The following AGTPBP1 variants were observed in gnomAD, a reference collection of about 807,000 sequenced individuals.
AGTPBP1 encodes the protein cytosolic carboxypeptidase 1.
In AGTPBP1, 70 loss-of-function variants were observed where a neutral mutation model predicts 143.9. That is an observed-to-expected ratio of 0.49 (90% CI 0.40 to 0.59). AGTPBP1 has a LOEUF of 0.59. Ranked by LOEUF, AGTPBP1 falls within the 20% of genes least tolerant of loss-of-function variation. The pLI is 0.00. For synonymous variants in AGTPBP1, 463 were observed against 500.2 expected (o/e 0.93, Z 0.99); for missense variants, 1,229 against 1,464.5 (o/e 0.84, Z 2.62).
intron 14 of AGTPBP1, among the ~76,000 whole-genome samples, chr9:85,627,732 A>G (rs1831393298): frequency 6.6e-6 from 1 of 152,216 alleles, no homozygotes; most frequent in African/African-American, 2.4e-5. Flanking sequence ...AGTTGACAAG[A>G]ATGAAGACCT....
At chr9:85,549,522 G>C (rs1039042080) in intron 25 of AGTPBP1, among the ~76,000 whole-genome samples, 1 of 152,164 alleles carries the variant, frequency 6.6e-6, no homozygotes, top group Admixed American at 6.5e-5. Flanking sequence ...CATTCTCCAT[G>C]GGAAACTGAA....
chr9:85,566,649 C>T (rs1827122024), intron 25 of AGTPBP1, among the ~76,000 whole-genome samples: 1 of 150,668 alleles, frequency 6.6e-6, no homozygotes, highest in South Asian at 2.1e-4. Flanking sequence ...ACAAAAAAGA[C>T]ACATATGCAT....
At chr9:85,753,997 C>T in the AGTPBP1 span, among the ~76,000 whole-genome samples, 1 of 152,064 alleles carries the variant, frequency 6.6e-6, no homozygotes, top group Admixed American at 6.6e-5. Flanking sequence ...AATCCTGTTG[C>T]CCAAGTAGTG....
the AGTPBP1 span, among the ~76,000 whole-genome samples, chr9:85,776,075 C>T: frequency 6.6e-6 from 1 of 152,172 alleles, no homozygotes; most frequent in Non-Finnish European, 1.5e-5. Flanking sequence ...GTTATAATTA[C>T]ACCTAACATA....
chr9:85,572,631 C>A (rs1827579014), intron 25 of AGTPBP1, among the ~76,000 whole-genome samples: 1 of 152,194 alleles, frequency 6.6e-6, no homozygotes, highest in Admixed American at 6.5e-5. Context: ...CTAATCATAA[C>A]CATAGTTGTG....
the AGTPBP1 span, among the ~76,000 whole-genome samples, chr9:85,751,209 C>A: frequency 6.6e-6 from 1 of 152,200 alleles, no homozygotes; most frequent in African/African-American, 2.4e-5. Context: ...CTCTTTTCTC[C>A]TTTCTGCCAT....
intron 25 of AGTPBP1, among the ~76,000 whole-genome samples, chr9:85,568,340 A>G (rs1827240106): frequency 6.6e-6 from 1 of 152,210 alleles, no homozygotes; most frequent in Non-Finnish European, 1.5e-5. Flanking sequence ...ATTTTTATTC[A>G]AGTATCAGTA....
chr9:85,728,500 C>T (rs1290156531), intron 1 of AGTPBP1, among the ~76,000 whole-genome samples: 1 of 152,154 alleles, frequency 6.6e-6, no homozygotes, highest in Non-Finnish European at 1.5e-5. Context: ...GAACATTTAG[C>T]TGCAAGTTTT....
the AGTPBP1 span, among the ~76,000 whole-genome samples, chr9:85,755,809 C>G: frequency 2.6e-5 from 4 of 152,176 alleles, no homozygotes; most frequent in Non-Finnish European, 5.9e-5. Flanking sequence ...AGAAAATTAT[C>G]AGCCCTTTCT....
intron 1 of AGTPBP1, among the ~76,000 whole-genome samples, chr9:85,732,254 G>A (rs1418577819): frequency 2.4e-5 from 3 of 124,760 alleles, no homozygotes; most frequent in African/African-American, 3.2e-5. Flanking sequence ...TTGCTCTGTC[G>A]CCCAGGCTGG....
chr9:85,712,264 C>CA (rs10715280), intron 2 of AGTPBP1, among the ~76,000 whole-genome samples: 24 of 146,534 alleles, frequency 1.6e-4, no homozygotes, highest in Admixed American at 5.4e-4. Flanking sequence ...AATTCCGTCT[C>CA]AAAAAAAAAA....
At chr9:85,743,267 A>G (rs1824489758), upstream of AGTPBP1, among the ~76,000 whole-genome samples, 1 of 152,364 alleles carries the variant, frequency 6.6e-6, no homozygotes, top group South Asian at 2.1e-4. Context: ...CCTGCAATAT[A>G]GGAAGATATT....
intron 1 of AGTPBP1, among the ~76,000 whole-genome samples, chr9:85,717,795 A>C (rs1158861192): frequency 6.6e-6 from 1 of 151,770 alleles, no homozygotes; most frequent in Non-Finnish European, 1.5e-5. Flanking sequence ...CGTCATTTAC[A>C]TTAGGTATTT....
intron 17 of AGTPBP1, among the ~76,000 whole-genome samples, chr9:85,600,768 T>C (rs368065590): frequency 2.6e-5 from 4 of 152,090 alleles, no homozygotes; most frequent in Non-Finnish European, 4.4e-5. Flanking sequence ...AGCAGCAGCA[T>C]TGGCACAGTT....
At chr9:85,609,872 T>C (rs1368170142) in intron 17 of AGTPBP1, among the ~76,000 whole-genome samples, 2 of 151,984 alleles carry the variant, frequency 1.3e-5, no homozygotes, top group African/African-American at 4.8e-5. Flanking sequence ...CATTAAAAGC[T>C]TGAGAAGGAA....
At chr9:85,749,945 G>A in the AGTPBP1 span, among the ~76,000 whole-genome samples, 2 of 150,910 alleles carry the variant, frequency 1.3e-5, no homozygotes, top group East Asian at 3.9e-4. Context: ...GCAGTGGCGT[G>A]ATCTCATCTC....
chr9:85,805,275 C>G, the AGTPBP1 span: 1 of 152,210 alleles, frequency 6.6e-6, no homozygotes, highest in Non-Finnish European at 1.5e-5. Flanking sequence ...GGCCCCGCCC[C>G]CGCCCCGAGG....
the AGTPBP1 span, among the ~76,000 whole-genome samples, chr9:85,770,059 T>TG: frequency 1.6e-4 from 20 of 124,268 alleles, no homozygotes; most frequent in Admixed American, 1.2e-3. Context: ...TATGTTAATC[T>TG]GTTGTGTGTG....
chr9:85,590,061 A>C (rs1472209657), intron 19 of AGTPBP1, among the ~76,000 whole-genome samples: 1 of 152,138 alleles, frequency 6.6e-6, no homozygotes, highest in Non-Finnish European at 1.5e-5. Context: ...GAGTTTTGAA[A>C]TTGTGAGTGA....
Sources: allele counts gnomAD v4.1 joint callset (sites outside exome capture counted in the v4.1 genomes callset), GRCh38; gene constraint gnomAD v4.1.1; transcripts MANE v1.5; gene names NCBI Gene and HGNC (gene_info 2026-07-23, HGNC 2026-07-21).